Variants in EPB41L5 observed in about 807,000 individuals in gnomAD.
EPB41L5 encodes band 4.1-like protein 5.
In EPB41L5, 55 loss-of-function variants were observed where a neutral mutation model predicts 106.6. The observed-to-expected ratio is 0.52, with a 90% CI of 0.42 to 0.65. EPB41L5 has a LOEUF of 0.65. Ranked by LOEUF, EPB41L5 falls within the 30% of genes least tolerant of loss-of-function variation. EPB41L5 has a pLI of 0.00. For synonymous variants in EPB41L5, 297 were observed against 306.7 expected (o/e 0.97, Z 0.33); for missense variants, 871 against 882.1 (o/e 0.99, Z 0.16).
chr2:120,169,311 C>G (rs555298359), intron 24 of EPB41L5, among the ~76,000 whole-genome samples: 1 of 152,124 alleles, frequency 6.6e-6, no homozygotes, highest in Non-Finnish European at 1.5e-5. Flanking sequence ...ATAATCTTGA[C>G]CCAACTCCAT....
At chr2:120,069,126 C>A in intron 3 of EPB41L5, among the ~76,000 whole-genome samples, 1 of 41,810 alleles carries the variant, frequency 2.4e-5, no homozygotes. Context: ...GAAACTCTGT[C>A]TCAAAAAAAA....
chr2:120,128,753 A>G (rs1685567371), intron 17 of EPB41L5, among the ~76,000 whole-genome samples: 1 of 150,552 alleles, frequency 6.6e-6, no homozygotes, highest in East Asian at 1.9e-4. Context: ...TGTGCTTGTT[A>G]GTCTCAGGTC....
chr2:120,034,200 C>G (rs1194538475), intron 2 of EPB41L5, among the ~76,000 whole-genome samples: 3 of 152,206 alleles, frequency 2.0e-5, no homozygotes, highest in Non-Finnish European at 4.4e-5. Flanking sequence ...AATGTATAAC[C>G]TTGAAAAGGT....
At chr2:120,036,920 A>G (rs1382634705) in intron 2 of EPB41L5, among the ~76,000 whole-genome samples, 2 of 152,158 alleles carry the variant, frequency 1.3e-5, no homozygotes, top group African/African-American at 2.4e-5. Context: ...CCCTAAGATC[A>G]GGAACAAGAT....
At chr2:120,081,509 TAGC>T (rs1682666215) in intron 10 of EPB41L5, among the ~76,000 whole-genome samples, 4 of 152,364 alleles carry the variant, frequency 2.6e-5, no homozygotes, top group Admixed American at 2.6e-4. Context: ...TTGGTTACTG[TAGC>T]CTTGTAATAT....
Position 120,131,607 on chromosome 2 carries a change from T to A in EPB41L5, c.1502-11T>A. ...GACTGGGGTTATTTTGCCTTTTTTT[T>A]TTCTTTTCAGCATTAAAAGACACCT... On this transcript the variant is annotated splice_polypyrimidine_tract_variant and intron_variant, in intron 17 of 24. Transcript: ENST00000263713. 1 of 1,605,826 alleles carries A rather than the reference T, an allele frequency of 6.2e-7. No homozygotes were observed. Among genetic ancestry groups the A allele is most frequent in the Non-Finnish European group, 8.5e-7 (1 of 1,174,592 alleles).
intron 1 of EPB41L5, among the ~76,000 whole-genome samples, chr2:120,014,459 C>T (rs1677372459): frequency 6.6e-6 from 1 of 152,074 alleles, no homozygotes; most frequent in South Asian, 2.1e-4. Context: ...AAGTCTTTGT[C>T]CTTGTGTGTG....
chr2:120,100,222 T>G, intron 14 of EPB41L5, 22 bp from the exon 15 acceptor site: 1 of 1,605,044 alleles, frequency 6.2e-7, no homozygotes, highest in Non-Finnish European at 8.5e-7. Flanking sequence ...GGTTTTTAAT[T>G]GATTTTTTTT....
At chr2:120,073,904 G>A (rs914207030) in intron 4 of EPB41L5, among the ~76,000 whole-genome samples, 196 bp from the exon 5 acceptor site, 3 of 152,076 alleles carry the variant, frequency 2.0e-5, no homozygotes, top group African/African-American at 7.2e-5. Flanking sequence ...CTATTCTTGG[G>A]ATGAGAGTTA....
chr2:120,159,874 T>C (rs748870308), intron 20 of EPB41L5, among the ~76,000 whole-genome samples: 4 of 152,196 alleles, frequency 2.6e-5, no homozygotes, highest in Non-Finnish European at 4.4e-5. Context: ...CACCTTGAAA[T>C]ACTGTGCAGC....
chr2:120,013,942 C>T (rs1326038784), intron 1 of EPB41L5, among the ~76,000 whole-genome samples: 1 of 152,234 alleles, frequency 6.6e-6, no homozygotes, highest in South Asian at 2.1e-4. Context: ...AACTCAGTTT[C>T]TAACATAACC....
chr2:120,055,511 CAG>C (rs1680589478), intron 3 of EPB41L5, among the ~76,000 whole-genome samples: 1 of 99,124 alleles, frequency 1.0e-5, no homozygotes, highest in East Asian at 3.3e-4. Flanking sequence ...TTTTTTGAGA[CAG>C]AGTCTTGCTC....
intron 3 of EPB41L5, among the ~76,000 whole-genome samples, chr2:120,060,942 A>AAAATTT (rs1234670658): frequency 6.6e-6 from 1 of 151,984 alleles, no homozygotes; most frequent in Non-Finnish European, 1.5e-5. Flanking sequence ...TCTCGGGAGC[A>AAAATTT]AAATTTAATC....
chr2:120,148,169 A>T (rs1686495659), intron 20 of EPB41L5, among the ~76,000 whole-genome samples: 1 of 152,130 alleles, frequency 6.6e-6, no homozygotes, highest in African/African-American at 2.4e-5. Context: ...TTTTACTGAC[A>T]TAATTCACAT....
intron 2 of EPB41L5, among the ~76,000 whole-genome samples, chr2:120,033,035 A>T (rs1212559216): frequency 6.6e-6 from 1 of 152,204 alleles, no homozygotes; most frequent in African/African-American, 2.4e-5. Context: ...AAACTCTGAA[A>T]ATATAGAATG....
chr2:120,055,216 A>G (rs1026857497), intron 3 of EPB41L5, among the ~76,000 whole-genome samples: 1 of 152,122 alleles, frequency 6.6e-6, no homozygotes, highest in African/African-American at 2.4e-5. Context: ...TGTCTTGATT[A>G]TGGTAACTTT....
intron 3 of EPB41L5, among the ~76,000 whole-genome samples, chr2:120,050,671 C>T (rs1281371292): frequency 6.6e-6 from 1 of 152,228 alleles, no homozygotes; most frequent in Admixed American, 6.5e-5. Flanking sequence ...CAAAGTCATT[C>T]TCCATCCAGC....
At chr2:120,105,833 G>A in intron 16 of EPB41L5, 6 of 985,172 alleles carry the variant, frequency 6.1e-6, no homozygotes, top group Non-Finnish European at 7.2e-6. Context: ...TTAAAAGAGA[G>A]GAATTTGGAT....
chr2:120,124,182 C>T (rs555372276), intron 16 of EPB41L5, among the ~76,000 whole-genome samples: 1 of 152,300 alleles, frequency 6.6e-6, no homozygotes, highest in East Asian at 1.9e-4. Context: ...CAATATACTT[C>T]ATATTTCACC....
Sources: allele counts gnomAD v4.1 joint callset (sites outside exome capture counted in the v4.1 genomes callset), GRCh38; gene constraint gnomAD v4.1.1; transcripts MANE v1.5; gene names NCBI Gene and HGNC (gene_info 2026-07-23, HGNC 2026-07-21).